Variants in MAGI1 observed in about 807,000 individuals in gnomAD.
MAGI1 encodes the protein membrane-associated guanylate kinase, WW and PDZ domain-containing protein 1.
In MAGI1, 58 loss-of-function variants were observed where a neutral mutation model predicts 139.9. The ratio of observed to expected loss-of-function variants is 0.41; its 90% CI spans 0.34 to 0.52. The LOEUF (loss-of-function observed/expected upper bound fraction) is 0.52. MAGI1 is among the 20% of genes least tolerant of loss of function. The probability of loss-of-function intolerance (pLI) is 0.12; values close to 1 mark genes in which losing one functional copy is unlikely to be tolerated. For missense variants in MAGI1, 1,874 were observed against 1,901.6 expected, an observed-to-expected ratio of 0.99 and a Z score of 0.27; for synonymous variants, 812 against 737.9, an observed-to-expected ratio of 1.10 and a Z score of -1.63.
intron 1 of MAGI1, among the ~76,000 whole-genome samples, chr3:65,759,589 G>T (rs982030917): frequency 2.0e-5 from 3 of 152,178 alleles, no homozygotes; most frequent in Non-Finnish European, 4.4e-5. Context: ...AGTGGGTGGG[G>T]GGTAGAAGAG....
At chr3:65,767,347 G>A (rs1221794836) in intron 1 of MAGI1, among the ~76,000 whole-genome samples, 1 of 151,794 alleles carries the variant, frequency 6.6e-6, no homozygotes, top group Non-Finnish European at 1.5e-5. Flanking sequence ...GCTCATGCCT[G>A]TAATCCCAGC....
intron 1 of MAGI1, among the ~76,000 whole-genome samples, chr3:65,790,054 A>T (rs561741993): frequency 6.6e-6 from 1 of 152,354 alleles, no homozygotes; most frequent in South Asian, 2.1e-4. Flanking sequence ...TTACAGACCT[A>T]ACTAAAGATG....
chr3:65,739,280 T>C (rs959947060), intron 1 of MAGI1, among the ~76,000 whole-genome samples: 1 of 152,222 alleles, frequency 6.6e-6, no homozygotes, highest in African/African-American at 2.4e-5. Context: ...CTTCTGCAGC[T>C]TCCTCACCTC....
At chr3:65,360,655 G>A (rs1940748108) in intron 22 of MAGI1, 1 of 986,438 alleles carries the variant, frequency 1.0e-6, no homozygotes, top group Non-Finnish European at 1.2e-6. Context: ...AGTGGGCTCA[G>A]ATGGTCTGAT....
chr3:65,820,229 C>T (rs955338412), intron 1 of MAGI1, among the ~76,000 whole-genome samples: 1 of 152,108 alleles, frequency 6.6e-6, no homozygotes, highest in Non-Finnish European at 1.5e-5. Flanking sequence ...TTCAGCCTTT[C>T]AGCTTGCACT....
intron 2 of MAGI1, among the ~76,000 whole-genome samples, chr3:65,608,068 C>T (rs982196390): frequency 7.2e-5 from 11 of 152,194 alleles, no homozygotes; most frequent in Non-Finnish European, 1.3e-4. Context: ...CCAGTGCAAG[C>T]ACAGCCAATA....
chr3:65,587,564 A>G (rs2081749057), intron 2 of MAGI1, among the ~76,000 whole-genome samples: 1 of 146,584 alleles, frequency 6.8e-6, no homozygotes, highest in Admixed American at 6.9e-5. Flanking sequence ...GCTCACTGCA[A>G]CCCCTACCTC....
intron 18 of MAGI1, among the ~76,000 whole-genome samples, chr3:65,375,052 T>C (rs1942366536): frequency 6.6e-6 from 1 of 152,204 alleles, no homozygotes; most frequent in Admixed American, 6.5e-5. Context: ...GGTTTTCTCA[T>C]GTCACCATAT....
intron 1 of MAGI1, among the ~76,000 whole-genome samples, chr3:65,770,241 T>C (rs1323378365): frequency 1.3e-5 from 2 of 152,220 alleles, no homozygotes; most frequent in African/African-American, 4.8e-5. Flanking sequence ...TGACTTCTCC[T>C]AGTTCCAAAG....
chr3:65,980,564 CAAA>C (rs11410142), intron 1 of MAGI1, among the ~76,000 whole-genome samples: 6 of 127,706 alleles, frequency 4.7e-5, no homozygotes, highest in Admixed American at 8.2e-5. Context: ...GACTCCATCT[CAAA>C]AAAAAAAAAA....
At chr3:65,798,963 G>A (rs1379712563) in intron 1 of MAGI1, among the ~76,000 whole-genome samples, 9 of 152,200 alleles carry the variant, frequency 5.9e-5, no homozygotes, top group African/African-American at 2.2e-4. Context: ...GACTGTCAAA[G>A]TATCACAGTG....
At chr3:65,713,902 C>T (rs565043456) in intron 1 of MAGI1, among the ~76,000 whole-genome samples, 1 of 152,200 alleles carries the variant, frequency 6.6e-6, no homozygotes, top group Non-Finnish European at 1.5e-5. Context: ...AGAGCTTTCA[C>T]TCCAATGCTG....
At chr3:65,359,711 C>T in intron 22 of MAGI1, 1 of 985,388 alleles carries the variant, frequency 1.0e-6, no homozygotes, top group Non-Finnish European at 1.2e-6. Context: ...AGTAGCACAA[C>T]CCTGTGGCAG....
chr3:65,822,895 C>T (rs138674962), intron 1 of MAGI1, among the ~76,000 whole-genome samples: 4,080 of 152,264 alleles, frequency 0.027, 95 homozygotes, highest in Middle Eastern at 0.034. Flanking sequence ...TCCCACAAGG[C>T]CCAAACTCCA....
At chr3:65,797,275 C>A (rs1448484158) in intron 1 of MAGI1, among the ~76,000 whole-genome samples, 1 of 152,156 alleles carries the variant, frequency 6.6e-6, no homozygotes, top group African/African-American at 2.4e-5. Context: ...GCCCAGTAAA[C>A]ATTAAGGATG....
chr3:65,537,956 A>G (rs1191796723), intron 2 of MAGI1, among the ~76,000 whole-genome samples: 1 of 152,068 alleles, frequency 6.6e-6, no homozygotes, highest in African/African-American at 2.4e-5. Context: ...CGTCTCTACT[A>G]AAAAATAAAA....
chr3:65,380,599 A>AAT (rs1304877825), intron 16 of MAGI1: 1 of 152,186 alleles, frequency 6.6e-6, no homozygotes, highest in Admixed American at 6.5e-5. Flanking sequence ...AAAGGGAATC[A>AAT]ATATTTCTCC....
intron 1 of MAGI1, among the ~76,000 whole-genome samples, chr3:65,856,179 T>G (rs2059373475): frequency 6.6e-6 from 1 of 152,162 alleles, no homozygotes; most frequent in South Asian, 2.1e-4. Flanking sequence ...ATATGGCTAA[T>G]GGCTACCATA....
At chr3:66,024,115 T>C (rs1369707556) in intron 1 of MAGI1, among the ~76,000 whole-genome samples, 1 of 151,836 alleles carries the variant, frequency 6.6e-6, no homozygotes, top group African/African-American at 2.4e-5. Flanking sequence ...GCCCTGAGAA[T>C]ACAGAAAGAG....
Sources: allele counts gnomAD v4.1 joint callset (sites outside exome capture counted in the v4.1 genomes callset), GRCh38; gene constraint gnomAD v4.1.1; transcripts MANE v1.5; gene names NCBI Gene and HGNC (gene_info 2026-07-23, HGNC 2026-07-21).